SMG6: variants seen among roughly 807,000 people sequenced by gnomAD.
SMG6 encodes the protein SMG6 nonsense mediated mRNA decay factor.
Under a neutral mutation model 142.2 loss-of-function variants are expected in SMG6, and 66 were observed. That is an observed-to-expected ratio of 0.46 (90% CI 0.38 to 0.57). The LOEUF is 0.57. Among genes scored for constraint, SMG6 ranks in the 20% least tolerant of loss-of-function variants. The pLI, the probability that SMG6 is intolerant of heterozygous loss-of-function variation, is 0.00. For missense variants in SMG6, 1,793 were observed against 1,832.0 expected (o/e 0.98, Z 0.39); for synonymous variants, 779 against 702.4 (o/e 1.11, Z -1.72).
chr17:2,158,076 A>T (rs2071062633), intron 13 of SMG6, among the ~76,000 whole-genome samples: 1 of 152,222 alleles, frequency 6.6e-6, no homozygotes, highest in South Asian at 2.1e-4. Context: ...AAAAGAAGGG[A>T]AGAAGTTAAT....
intron 13 of SMG6, among the ~76,000 whole-genome samples, chr17:2,133,845 C>T (rs2070203710): frequency 6.6e-6 from 1 of 152,134 alleles, no homozygotes. Context: ...GGGGCATACC[C>T]TTTCTGTTTT....
chr17:2,248,881 CT>C (rs1259587836), intron 8 of SMG6, among the ~76,000 whole-genome samples: 1 of 144,392 alleles, frequency 6.9e-6, no homozygotes, highest in Non-Finnish European at 1.5e-5. Context: ...GAGACAGATA[CT>C]TTGGAGAACT....
chr17:2,073,386 T>TTTTTG (rs953034192), intron 15 of SMG6, among the ~76,000 whole-genome samples: 19 of 151,798 alleles, frequency 1.3e-4, no homozygotes, highest in Middle Eastern at 3.2e-3. Context: ...GCCCAGCGTT[T>TTTTTG]TTTTGTTTTG....
At chr17:2,205,472 A>T (rs1273704308) in intron 10 of SMG6, among the ~76,000 whole-genome samples, 2 of 152,190 alleles carry the variant, frequency 1.3e-5, no homozygotes, top group East Asian at 3.8e-4. Flanking sequence ...CTTACAGCAA[A>T]ATCACATAAA....
At chr17:2,112,531 ATAAATAAATAAAT>A (rs1471792171) in intron 13 of SMG6, among the ~76,000 whole-genome samples, 7 of 96,496 alleles carry the variant, frequency 7.3e-5, no homozygotes, top group Admixed American at 4.7e-4. Context: ...TAAAAAATAA[ATAAATAAATAAAT>A]AAATAAATAA....
At chr17:2,278,755 T>C (rs907516233) in intron 8 of SMG6, among the ~76,000 whole-genome samples, 1 of 152,104 alleles carries the variant, frequency 6.6e-6, no homozygotes, top group Non-Finnish European at 1.5e-5. Context: ...CGTATAAAAA[T>C]ATCACATGTA....
At chr17:2,088,551 TA>T in intron 13 of SMG6, 1 of 985,494 alleles carries the variant, frequency 1.0e-6, no homozygotes, top group Non-Finnish European at 1.2e-6. Context: ...GGCTGTGATC[TA>T]CTGGGGTCTC....
intron 1 of SMG6, among the ~76,000 whole-genome samples, chr17:2,301,734 C>T (rs2075281981): frequency 1.3e-5 from 2 of 152,184 alleles, no homozygotes; most frequent in African/African-American, 2.4e-5. Context: ...CCCAGCTACT[C>T]GGGAAGCTGA....
intron 13 of SMG6, among the ~76,000 whole-genome samples, chr17:2,130,266 CAAAAA>C (rs903007543): frequency 1.0e-4 from 4 of 39,530 alleles, no homozygotes; most frequent in African/African-American, 4.7e-4. Flanking sequence ...GACTCCGTCT[CAAAAA>C]AAAAAAAAAA....
intron 8 of SMG6, among the ~76,000 whole-genome samples, chr17:2,267,396 G>C (rs182717548): frequency 2.0e-5 from 3 of 151,656 alleles, no homozygotes; most frequent in Non-Finnish European, 2.9e-5. Context: ...GTATCCCTAC[G>C]TTGTCAAGGC....
intron 10 of SMG6, among the ~76,000 whole-genome samples, chr17:2,196,526 T>A (rs1409765322): frequency 1.3e-5 from 2 of 152,228 alleles, no homozygotes; most frequent in Non-Finnish European, 2.9e-5. Context: ...GTTAATTGTT[T>A]AACGCAATTG....
Position 2,299,581 on chromosome 17 carries a change from T to C in SMG6, c.1172A>G (p.Lys391Arg), listed in dbSNP as rs867209453. ...GLSSGGKGSE[K>R]QESKNPKQEL... ...TTGTTTCGGGTTTTTGGACTCCTGC[T>C]TCTCAGAGCCTTTGCCCCCACTGCT... The change falls in exon 2 of 19, where the codon AAG becomes AGG. Residue 391 changes from lysine to arginine, a missense_variant. Lys to Arg is a conservative substitution (Grantham distance 26). This residue lies in a region of SMG6 where 1,597 missense variants were observed against 1,584.6 expected (regional missense o/e 1.01). Transcript: ENST00000263073. The surrounding 1 kb of genome is among the most constrained non-coding windows in gnomAD (Gnocchi z 4.3). 3 of 1,614,188 alleles carry C rather than the reference T, an allele frequency of 1.9e-6. No individual in the cohort carries two copies. Among genetic ancestry groups the C allele is most frequent in the African/African-American group, 2.7e-5 (2 of 75,044 alleles).
intron 10 of SMG6, among the ~76,000 whole-genome samples, chr17:2,222,403 G>C (rs975025846): frequency 2.6e-5 from 4 of 151,902 alleles, no homozygotes; most frequent in Non-Finnish European, 5.9e-5. Context: ...ATTCCAAACA[G>C]AGAAAACAGC....
chr17:2,167,942 T>C (rs879280063), intron 13 of SMG6, among the ~76,000 whole-genome samples: 2 of 152,130 alleles, frequency 1.3e-5, no homozygotes, highest in Non-Finnish European at 2.9e-5. Flanking sequence ...GGCGCAATCA[T>C]AATGAGCACC....
intron 10 of SMG6, among the ~76,000 whole-genome samples, chr17:2,192,677 C>T (rs552787010): frequency 3.9e-5 from 6 of 152,202 alleles, no homozygotes; most frequent in Non-Finnish European, 7.3e-5. Flanking sequence ...GGCTGCTTTT[C>T]TCATGAGTCA....
At chr17:2,188,245 C>A (rs1175904487) in intron 11 of SMG6, among the ~76,000 whole-genome samples, 154 bp downstream of exon 11, 2 of 151,868 alleles carry the variant, frequency 1.3e-5, no homozygotes, top group Non-Finnish European at 2.9e-5. Flanking sequence ...GGAAATGGGA[C>A]TAGTTAGGCA....
intron 8 of SMG6, among the ~76,000 whole-genome samples, chr17:2,268,036 T>G (rs1285350483): frequency 1.3e-5 from 2 of 152,164 alleles, no homozygotes; most frequent in African/African-American, 4.8e-5. Context: ...CGTGAGCCAC[T>G]GCACCCAGCC....
Position 2,061,398 on chromosome 17 carries a change from T to C in SMG6, c.*94A>G. ...ATGGTTTATTGTCTGGGTGGATTGG[T>C]GGCTCAGGCACGTGGGCATCTTCCG... is the stretch of plus-strand genomic sequence containing the variant. On this transcript the variant is annotated 3_prime_UTR_variant, in exon 19 of 19. Transcript: ENST00000263073. The C allele has an allele frequency of 8.0e-7, 1 of 1,256,578 alleles. No homozygotes were observed. The highest frequency in any genetic ancestry group is 1.5e-5 in the African/African-American group (1 of 66,850). 77.8% of individuals were successfully genotyped at this position (1,256,578 alleles called of 1,614,324 possible).
Position 2,299,329 on chromosome 17 carries a change from T to C in SMG6, c.1424A>G (p.His475Arg). The C allele has an allele frequency of 1.2e-6, 2 of 1,613,936 alleles. No homozygotes were observed. The highest frequency in any genetic ancestry group is 1.3e-5 in the African/African-American group (1 of 74,942). Residue 475 changes from histidine (H) to arginine (R), a missense_variant, in exon 2 of 19, where the codon CAT (histidine) becomes CGT (arginine). By Grantham distance (29) the His-to-Arg change is conservative. Transcript: ENST00000263073. The surrounding 1 kb of genome is among the most constrained non-coding windows in gnomAD (Gnocchi z 4.3). The stretch of plus-strand genomic sequence containing the variant: ...GACTTCATCATCAGTGTCCAAGAAA[T>C]GTAGCTGGGGCGTCTGAGTCTTTAG... Reference protein sequence around the residue: ...PALKTQTPQLHFLDTDDEVSP... With the variant: ...PALKTQTPQLRFLDTDDEVSP...
Sources: gnomAD v4.1 joint callset for allele counts (sites outside exome capture counted in the v4.1 genomes callset) on GRCh38, gnomAD v4.1.1 for gene constraint, gnomAD v4.1.1 regional missense constraint, Gnocchi (gnomAD v3.1) non-coding constraint, MANE v1.5 for transcripts, NCBI Gene and HGNC (gene_info 2026-07-23, HGNC 2026-07-21) for gene names.